TRPC6: variants seen among roughly 807,000 people sequenced by gnomAD.
The protein encoded by TRPC6 is transient receptor potential cation channel subfamily C member 6.
In TRPC6, 55 loss-of-function variants were observed where a neutral mutation model predicts 90.7. That is an observed-to-expected ratio of 0.61 (90% CI 0.49 to 0.76). The LOEUF is 0.76. Ranked by LOEUF, TRPC6 falls within the 30% of genes least tolerant of loss-of-function variation. The pLI is 0.00. For missense variants in TRPC6, 989 were observed against 1,122.7 expected, an observed-to-expected ratio of 0.88 and a Z score of 1.70; for synonymous variants, 393 against 393.0, an observed-to-expected ratio of 1.00 and a Z score of 0.00.
chr11:101,464,788 T>TACATTTAAGGTTAA (rs1447299606), intron 10 of TRPC6, among the ~76,000 whole-genome samples: 1 of 152,208 alleles, frequency 6.6e-6, no homozygotes, highest in African/African-American at 2.4e-5. Context: ...TTAGCCTGTT[T>TACATTTAAGGTTAA]ACATTTAAGG....
At chr11:101,506,961 G>C (rs1234872794) in intron 1 of TRPC6, among the ~76,000 whole-genome samples, 1 of 147,578 alleles carries the variant, frequency 6.8e-6, no homozygotes, top group African/African-American at 2.5e-5. Context: ...CATTACCTAT[G>C]GACTTCCCAT....
At chr11:101,461,390 G>A (rs539158484) in intron 10 of TRPC6, among the ~76,000 whole-genome samples, 3 of 152,198 alleles carry the variant, frequency 2.0e-5, no homozygotes, top group East Asian at 3.9e-4. Flanking sequence ...GGGCAACATG[G>A]CGAAACCCCA....
intron 6 of TRPC6, among the ~76,000 whole-genome samples, chr11:101,475,488 T>C (rs144439840): frequency 1.5e-3 from 236 of 152,272 alleles, no homozygotes; most frequent in African/African-American, 5.6e-3. Flanking sequence ...TTATTAACTC[T>C]AGCCACTATA....
In TRPC6 at chr11:101,566,459, T is replaced by G. The variant is rs145169385; in HGVS notation, c.170+16875A>C. 4.8e-3 allele frequency among the ~76,000 whole-genome samples: 736 copies of G among 152,300 alleles called. 5 individuals carry two copies. Among genetic ancestry groups the G allele is most frequent in the African/African-American group, 0.017 (716 of 41,556 alleles). On this transcript the variant is annotated intron_variant, in intron 1 of 12. Coordinates refer to ENST00000344327, the MANE Select transcript of TRPC6 (RefSeq NM_004621.6). Reference sequence around the variant, plus strand: ...AAAAAAGATGTATCCCCATAGGTATTCTATCAACATGAAAAGAAAAAATGT... The same window carrying G: ...AAAAAAGATGTATCCCCATAGGTATGCTATCAACATGAAAAGAAAAAATGT...
intron 1 of TRPC6, among the ~76,000 whole-genome samples, chr11:101,577,566 G>A (rs1027018837): frequency 3.3e-5 from 5 of 152,136 alleles, no homozygotes; most frequent in African/African-American, 9.7e-5. Context: ...AGGTTGTGGC[G>A]GGAGGTGGGG....
intron 2 of TRPC6, 64 bp from the exon 3 acceptor site, chr11:101,491,802 G>A (rs1463913459): frequency 8.6e-7 from 1 of 1,165,326 alleles, no homozygotes; most frequent in Non-Finnish European, 1.2e-6. Context: ...ATGCTTCAGA[G>A]ACTTGAAGGA....
intron 1 of TRPC6, among the ~76,000 whole-genome samples, chr11:101,529,926 A>C (rs539755230): frequency 1.3e-5 from 2 of 152,350 alleles, no homozygotes; most frequent in African/African-American, 4.8e-5. Context: ...TTGATCAAAA[A>C]TGAACGCATC....
At chr11:101,506,831 T>C (rs1227593888) in intron 1 of TRPC6, among the ~76,000 whole-genome samples, 1 of 152,164 alleles carries the variant, frequency 6.6e-6, no homozygotes, top group Non-Finnish European at 1.5e-5. Flanking sequence ...TTATTCTATG[T>C]CTTGATCTCC....
At chr11:101,483,797 C>T (rs1859608583) in intron 4 of TRPC6, among the ~76,000 whole-genome samples, 1 of 152,130 alleles carries the variant, frequency 6.6e-6, no homozygotes, top group Admixed American at 6.6e-5. Flanking sequence ...AGTTTCATTC[C>T]CTCATTAGCT....
chr11:101,554,357 T>C (rs1282608167), intron 1 of TRPC6, among the ~76,000 whole-genome samples: 5 of 152,114 alleles, frequency 3.3e-5, no homozygotes, highest in African/African-American at 1.2e-4. Flanking sequence ...ATTTATGTTA[T>C]GCTTGGTATG....
At chr11:101,459,620 AG>A (rs1287672675) in intron 10 of TRPC6, among the ~76,000 whole-genome samples, 4 of 152,222 alleles carry the variant, frequency 2.6e-5, no homozygotes, top group Non-Finnish European at 5.9e-5. Flanking sequence ...GAGAAGCTAC[AG>A]GGAAAATAAA....
chr11:101,543,819 C>A (rs1334461451), intron 1 of TRPC6, among the ~76,000 whole-genome samples: 1 of 152,126 alleles, frequency 6.6e-6, no homozygotes, highest in East Asian at 1.9e-4. Flanking sequence ...AGGACATAGG[C>A]ATGGGCAAAG....
At chr11:101,470,601 G>A (rs769422372) in intron 9 of TRPC6, among the ~76,000 whole-genome samples, 29 of 152,172 alleles carry the variant, frequency 1.9e-4, no homozygotes, top group African/African-American at 5.1e-4. Flanking sequence ...TGCTGTGATC[G>A]CCCTACTGCC....
At chr11:101,517,799 C>A (rs980481232) in intron 1 of TRPC6, among the ~76,000 whole-genome samples, 1 of 152,142 alleles carries the variant, frequency 6.6e-6, no homozygotes, top group Non-Finnish European at 1.5e-5. Flanking sequence ...CTACTTAGAA[C>A]CCTCAGCTGT....
chr11:101,522,796 C>T (rs1860691214), intron 1 of TRPC6, among the ~76,000 whole-genome samples: 2 of 152,126 alleles, frequency 1.3e-5, no homozygotes, highest in Admixed American at 6.6e-5. Context: ...ATAGAAATAA[C>T]CTATGTATCT....
At chr11:101,535,006 A>G (rs1296351490) in intron 1 of TRPC6, among the ~76,000 whole-genome samples, 2 of 151,886 alleles carry the variant, frequency 1.3e-5, no homozygotes, top group South Asian at 2.1e-4. Flanking sequence ...TATTAAAAAT[A>G]CAAAAAAAAA....
At chr11:101,544,749 G>A (rs1413524339) in intron 1 of TRPC6, among the ~76,000 whole-genome samples, 2 of 152,110 alleles carry the variant, frequency 1.3e-5, no homozygotes, top group African/African-American at 4.8e-5. Context: ...GGCTAGGGGA[G>A]GGATAGCATT....
chr11:101,576,253 A>G (rs1328162551), intron 1 of TRPC6, among the ~76,000 whole-genome samples: 2 of 152,238 alleles, frequency 1.3e-5, no homozygotes, highest in Non-Finnish European at 1.5e-5. Context: ...AGGTATTCAA[A>G]AAATGTTAGT....
chr11:101,581,032 A>G (rs937689756), intron 1 of TRPC6, among the ~76,000 whole-genome samples: 2 of 152,220 alleles, frequency 1.3e-5, no homozygotes, highest in Non-Finnish European at 2.9e-5. Flanking sequence ...CAGTGGATGA[A>G]ATGTAACTAT....
Sources: allele counts gnomAD v4.1 joint callset (sites outside exome capture counted in the v4.1 genomes callset), GRCh38; gene constraint gnomAD v4.1.1; transcripts MANE v1.5; gene names NCBI Gene and HGNC (gene_info 2026-07-23, HGNC 2026-07-21).